The following SMOC2 variants were observed in gnomAD, a reference collection of about 807,000 sequenced individuals.
SMOC2 encodes the protein SPARC related modular calcium binding 2, also known as SPARC-related modular calcium-binding protein 2.
Under a neutral mutation model 61.4 loss-of-function variants are expected in SMOC2, and 39 were observed. The ratio of observed to expected loss-of-function variants is 0.64; its 90% CI spans 0.49 to 0.83. The LOEUF is 0.83. Ranked by LOEUF, SMOC2 falls within the 40% of genes least tolerant of loss-of-function variation. SMOC2 has a pLI of 0.00. For synonymous variants in SMOC2, 247 were observed against 239.9 expected (o/e 1.03, Z -0.27); for missense variants, 556 against 592.9 (o/e 0.94, Z 0.65).
chr6:168,476,466 C>CTGTGTGTGTGTG (rs1191864533), intron 1 of SMOC2, among the ~76,000 whole-genome samples: 2 of 139,872 alleles, frequency 1.4e-5, no homozygotes, highest in Admixed American at 7.0e-5. Context: ...ATCTTTTATC[C>CTGTGTGTGTGTG]TGTGTGTGTG....
intron 7 of SMOC2, among the ~76,000 whole-genome samples, chr6:168,559,791 C>T (rs977207775): frequency 1.3e-5 from 2 of 152,100 alleles, no homozygotes; most frequent in African/African-American, 4.8e-5. Context: ...ATTTTACCAG[C>T]CCCCCTAATA....
At chr6:168,447,964 G>A (rs970305733) in intron 1 of SMOC2, among the ~76,000 whole-genome samples, 1 of 152,164 alleles carries the variant, frequency 6.6e-6, no homozygotes, top group Admixed American at 6.5e-5. Flanking sequence ...TACCAGCTGG[G>A]TGTCACCATG....
chr6:168,499,046 G>T (rs1782662238), intron 1 of SMOC2, among the ~76,000 whole-genome samples: 1 of 134,380 alleles, frequency 7.4e-6, no homozygotes. Flanking sequence ...ACAGTCTCTG[G>T]GGGGACAGCC....
intron 7 of SMOC2, among the ~76,000 whole-genome samples, chr6:168,590,152 G>C (rs1289096425): frequency 7.1e-6 from 1 of 140,246 alleles, no homozygotes; most frequent in East Asian, 2.2e-4. Context: ...TGAGTTTAGG[G>C]GGCAGCCCCA....
chr6:168,567,468 C>T (rs1784570356), intron 7 of SMOC2, among the ~76,000 whole-genome samples: 1 of 151,408 alleles, frequency 6.6e-6, no homozygotes, highest in Admixed American at 6.6e-5. Flanking sequence ...AATGCTTTAC[C>T]TTTGTGTTTA....
In SMOC2 at chr6:168,610,751, G is replaced by T. The variant is rs181189965; in HGVS notation, c.907+2512G>T. ...GGCAGCAAACGATCATTGAGTCTTT[G>T]GAGGCCATCATTTTATTATATGGCA... On this transcript the variant is annotated intron_variant, in intron 9 of 12. Transcript: ENST00000356284. 3.2e-3 allele frequency among the ~76,000 whole-genome samples: 480 copies of T among 152,202 alleles called. 6 individuals are homozygous for T. The highest frequency in any genetic ancestry group is 9.3e-4 in the Non-Finnish European group (63 of 68,034).
At chr6:168,464,374 C>A (rs1437156221) in intron 1 of SMOC2, among the ~76,000 whole-genome samples, 1 of 152,026 alleles carries the variant, frequency 6.6e-6, no homozygotes, top group Non-Finnish European at 1.5e-5. Flanking sequence ...GATGACGCTC[C>A]ATAACAATTA....
chr6:168,660,418 C>T (rs1319648189), intron 11 of SMOC2, among the ~76,000 whole-genome samples: 2 of 152,176 alleles, frequency 1.3e-5, no homozygotes, highest in Non-Finnish European at 2.9e-5. Context: ...TTCTCAGTAG[C>T]GCTGGGAGAA....
chr6:168,562,677 C>A (rs1784448408), intron 7 of SMOC2, among the ~76,000 whole-genome samples: 1 of 152,174 alleles, frequency 6.6e-6, no homozygotes, highest in South Asian at 2.1e-4. Flanking sequence ...ATTTACGCAT[C>A]CGGGGTTATC....
intron 9 of SMOC2, among the ~76,000 whole-genome samples, chr6:168,611,659 GC>G (rs1785870314): frequency 7.3e-6 from 1 of 136,878 alleles, no homozygotes; most frequent in Non-Finnish European, 1.6e-5. Flanking sequence ...GTCGGGCCTG[GC>G]TGTGGCTCCC....
chr6:168,482,966 C>T (rs1583047803), intron 1 of SMOC2, among the ~76,000 whole-genome samples: 1 of 151,858 alleles, frequency 6.6e-6, no homozygotes, highest in African/African-American at 2.4e-5. Context: ...GGTGAAAGAC[C>T]ACAAGTTTTT....
rs112475279 is a variant in SMOC2, at chr6:168,450,790, C to G, written c.84+9336C>G. On this transcript the variant is annotated intron_variant, in intron 1 of 12. Transcript: ENST00000356284. Reference sequence around the variant, plus strand: ...GCACAAGCATTTGGTCACTTAAACCCGAACGTGACCTTGTGAGGTGGCACT... The same window carrying G: ...GCACAAGCATTTGGTCACTTAAACCGGAACGTGACCTTGTGAGGTGGCACT... Among the ~76,000 whole-genome samples, 1,134 of 152,246 alleles carry G rather than the reference C, an allele frequency of 7.4e-3. 4 individuals are homozygous for G. Among genetic ancestry groups the G allele is most frequent in the Middle Eastern group, 0.027 (8 of 294 alleles).
At chr6:168,465,295 G>A (rs896508204) in intron 1 of SMOC2, among the ~76,000 whole-genome samples, 1 of 152,170 alleles carries the variant, frequency 6.6e-6, no homozygotes, top group Non-Finnish European at 1.5e-5. Context: ...CTTGGTTATA[G>A]ATAGAACGTT....
intron 9 of SMOC2, among the ~76,000 whole-genome samples, chr6:168,613,940 A>AT (rs1785970239): frequency 3.1e-5 from 2 of 64,942 alleles, no homozygotes. Flanking sequence ...CAGCCAGCAC[A>AT]GGGCCTCTTC....
intron 9 of SMOC2, among the ~76,000 whole-genome samples, chr6:168,611,926 C>T (rs1031320525): frequency 2.0e-5 from 3 of 152,176 alleles, no homozygotes; most frequent in Admixed American, 1.3e-4. Flanking sequence ...TGGGGCACAG[C>T]GTGTGGTGTG....
chr6:168,610,538 T>C lies in SMOC2; in HGVS notation c.907+2299T>C, dbSNP rs534438669. ...ATCCTTCAGGTCCCATGCAGGCTGA[T>C]GTATTTTATTCTTAAAAGGTACCGT... On this transcript the variant is annotated intron_variant, in intron 9 of 12. Coordinates refer to ENST00000356284, the MANE Select transcript of SMOC2 (RefSeq NM_001166412.2). 3.9e-5 allele frequency among the ~76,000 whole-genome samples: 6 copies of C among 152,296 alleles called. No homozygotes were observed. The South Asian group carries it at 1.2e-3, about 32-fold the overall frequency.
intron 1 of SMOC2, among the ~76,000 whole-genome samples, chr6:168,449,369 T>C (rs1781408611): frequency 6.6e-6 from 1 of 152,206 alleles, no homozygotes; most frequent in Non-Finnish European, 1.5e-5. Context: ...CTTCATAAAA[T>C]ATAGTCACCT....
At chr6:168,477,733 T>C (rs1377940701) in intron 1 of SMOC2, among the ~76,000 whole-genome samples, 1 of 152,018 alleles carries the variant, frequency 6.6e-6, no homozygotes, top group East Asian at 1.9e-4. Flanking sequence ...GAACAGGAGG[T>C]GGGGAAAGTA....
chr6:168,613,445 C>A (rs1457972312), intron 9 of SMOC2, among the ~76,000 whole-genome samples: 2 of 152,144 alleles, frequency 1.3e-5, no homozygotes, highest in African/African-American at 4.8e-5. Context: ...AGGGTCCTCT[C>A]CTGGATCCCC....
Sources: gnomAD v4.1 joint callset for allele counts (sites outside exome capture counted in the v4.1 genomes callset) on GRCh38, gnomAD v4.1.1 for gene constraint, MANE v1.5 for transcripts, NCBI Gene and HGNC (gene_info 2026-07-23, HGNC 2026-07-21) for gene names.